Variants in UNC5B observed in about 807,000 individuals in gnomAD.
UNC5B encodes the protein unc-5 netrin receptor B.
A neutral mutation model predicts 103.7 loss-of-function variants in UNC5B; 56 were observed. The ratio of observed to expected loss-of-function variants is 0.54; its 90% confidence interval spans 0.44 to 0.67. UNC5B has a LOEUF of 0.67. Ranked by LOEUF, UNC5B falls within the 30% of genes least tolerant of loss-of-function variation. UNC5B has a pLI of 0.00. For missense variants in UNC5B, 1,194 were observed against 1,284.5 expected (o/e 0.93, Z 1.08); for synonymous variants, 577 against 542.0 (o/e 1.06, Z -0.90).
chr10:71,289,216 C>T (rs1043515170), intron 8 of UNC5B, among the ~76,000 whole-genome samples: 17 of 152,248 alleles, frequency 1.1e-4, no homozygotes, highest in African/African-American at 4.1e-4. Flanking sequence ...CCTACTGAGC[C>T]TCCTCTCATA....
At chr10:71,258,181 G>A (rs542993736) in intron 1 of UNC5B, among the ~76,000 whole-genome samples, 5 of 152,330 alleles carry the variant, frequency 3.3e-5, no homozygotes, top group South Asian at 2.1e-4. Context: ...TATCGATGCC[G>A]AGACTCTATC....
At chr10:71,230,439 C>G (rs1462769232) in intron 1 of UNC5B, among the ~76,000 whole-genome samples, 1 of 152,248 alleles carries the variant, frequency 6.6e-6, no homozygotes, top group Non-Finnish European at 1.5e-5. Context: ...GCAGAGCAGG[C>G]CAGTGGCCAA....
At chr10:71,241,026 C>A (rs1843886469) in intron 1 of UNC5B, among the ~76,000 whole-genome samples, 1 of 152,216 alleles carries the variant, frequency 6.6e-6, no homozygotes, top group Non-Finnish European at 1.5e-5. Context: ...AGTCCATCAT[C>A]ATGGTAGCCT....
Position 71,292,499 on chromosome 10 carries a change from C to A in UNC5B, c.1717C>A (p.Pro573Thr). ...VSLLVPNGAI[P>T]QGKFYEMYLL... ...CTTGCTGGTGCCCAATGGAGCCATT[C>A]CCCAGGGCAAGTTCTACGAGATGTA... The change falls in exon 11 of 17, where the codon CCC becomes ACC. Residue 573 changes from proline to threonine, a missense_variant. Pro to Thr is a conservative substitution (Grantham distance 38). Coordinates refer to ENST00000335350, the MANE Select transcript of UNC5B (RefSeq NM_170744.5). 1 of 1,605,320 alleles carries A rather than the reference C, an allele frequency of 6.2e-7. No homozygotes were observed. The highest frequency in any genetic ancestry group is 8.5e-7 in the Non-Finnish European group (1 of 1,176,110).
In UNC5B at chr10:71,297,906, C is replaced by A; in HGVS notation, c.2491-3C>A. 1 of 1,610,130 alleles carries A rather than the reference C, an allele frequency of 6.2e-7. No homozygotes were observed. The highest frequency in any genetic ancestry group is 8.5e-7 in the Non-Finnish European group (1 of 1,178,336). On this transcript the variant is annotated splice_region_variant and splice_polypyrimidine_tract_variant and intron_variant, in intron 15 of 16. Coordinates refer to ENST00000335350, the MANE Select transcript of UNC5B (RefSeq NM_170744.5). ...CTCTCACTCTTGGCCCCCACCCTTG[C>A]AGACACCTGCTGGCTCCCTGGACAC...
chr10:71,234,277 AG>A (rs541498868), intron 1 of UNC5B, among the ~76,000 whole-genome samples: 55 of 152,286 alleles, frequency 3.6e-4, no homozygotes, highest in African/African-American at 1.3e-3. Context: ...CGCCCCCTCC[AG>A]GGGCTTTTGC....
chr10:71,225,840 G>GTGCCACACAGACTTCAGGACACCC (rs1564706092), intron 1 of UNC5B, among the ~76,000 whole-genome samples: 1 of 151,472 alleles, frequency 6.6e-6, no homozygotes, highest in Non-Finnish European at 1.5e-5. Flanking sequence ...GCTTGCCACC[G>GTGCCACACAGACTTCAGGACACCC]TGCCACACAG....
chr10:71,243,709 A>T (rs1300150895), intron 1 of UNC5B, among the ~76,000 whole-genome samples: 1 of 152,186 alleles, frequency 6.6e-6, no homozygotes, highest in African/African-American at 2.4e-5. Context: ...GAGACTAGAC[A>T]GTCCAGGGTG....
rs1554809996 is a variant in UNC5B at position 71,288,924 on chromosome 10, A to G, written c.1067-34A>G. The G allele has an allele frequency of 5.0e-6, 8 of 1,589,304 alleles. No homozygotes were observed. The South Asian group carries it at 6.6e-5, about 13-fold the overall frequency. ...CTCTGCCACCCTTTCCCTGTCACCT[A>G]TGTCATTGTCTTTCCCTTTATTTCC... is the stretch of plus-strand genomic sequence containing the variant. On this transcript the variant is annotated intron_variant, in intron 7 of 16. Coordinates refer to ENST00000335350, the MANE Select transcript of UNC5B (RefSeq NM_170744.5).
chr10:71,234,196 G>C (rs529106329), intron 1 of UNC5B, among the ~76,000 whole-genome samples: 1 of 152,356 alleles, frequency 6.6e-6, no homozygotes, highest in African/African-American at 2.4e-5. Flanking sequence ...GGGTCACACA[G>C]CCAGGAAGCA....
At chr10:71,235,091 ACTCTGC>A (rs749369234) in intron 1 of UNC5B, among the ~76,000 whole-genome samples, 18 of 87,304 alleles carry the variant, frequency 2.1e-4, no homozygotes, top group East Asian at 4.9e-4. Context: ...GCTGCCTCTG[ACTCTGC>A]CTCTGCCTCT....
chr10:71,289,866 A>G (rs745642901), intron 8 of UNC5B, among the ~76,000 whole-genome samples: 3 of 152,234 alleles, frequency 2.0e-5, no homozygotes, highest in Non-Finnish European at 4.4e-5. Context: ...GCTGGGAGCC[A>G]TGCCCTGCCT....
At position 71,284,832 on chromosome 10, in the gene UNC5B, C is replaced by A. The variant is rs757888660; in HGVS notation, c.417C>A (p.Thr139=). The change falls in exon 3 of 17, where the codon ACC becomes ACA. Residue 139 remains threonine, a synonymous_variant. Coordinates refer to ENST00000335350, the MANE Select transcript of UNC5B (RefSeq NM_170744.5). ...TGGCCTGGAGCTCCGCGGGCACCAC[C>A]AAGAGTCGCCGAGCCTACGTCCGCA... ...QCVAWSSAGT[T]KSRRAYVRIA... is the part of the protein sequence containing the mutation. 3.1e-6 allele frequency: 5 copies of A among 1,612,268 alleles called. No homozygotes were observed. Among genetic ancestry groups the A allele is most frequent in the Non-Finnish European group, 4.2e-6 (5 of 1,179,244 alleles).
At chr10:71,245,509 GTCCT>G (rs1015107524) in intron 1 of UNC5B, among the ~76,000 whole-genome samples, 3 of 152,188 alleles carry the variant, frequency 2.0e-5, no homozygotes, top group African/African-American at 7.2e-5. Flanking sequence ...GGTCTGAACT[GTCCT>G]TCTGGGTGGG....
chr10:71,296,982 T>C, intron 15 of UNC5B, among the ~76,000 whole-genome samples: 1 of 118,102 alleles, frequency 8.5e-6, no homozygotes, highest in Non-Finnish European at 1.9e-5. Context: ...TGCACACCAC[T>C]CTGGTGGAGG....
At chr10:71,292,685 TC>T in intron 11 of UNC5B, 131 bp downstream of exon 11, 1 of 760,800 alleles carries the variant, frequency 1.3e-6, no homozygotes, top group Non-Finnish European at 2.0e-6. Context: ...TCTTACTGTG[TC>T]CATATTGAAA....
At position 71,301,523 on chromosome 10, in the gene UNC5B, C is replaced by G. The variant is rs1845584171; in HGVS notation, c.*2246C>G. The G allele has an allele frequency of 6.6e-6, 1 of 152,254 alleles. No homozygotes were observed. The highest frequency in any genetic ancestry group is 1.5e-5 in the Non-Finnish European group (1 of 68,066). 9.4% of individuals were successfully genotyped at this position (152,254 alleles called of 1,614,324 possible). A position where few individuals can be genotyped will look rare whatever the true frequency, so the allele number is the denominator to read the frequency against. On this transcript the variant is annotated 3_prime_UTR_variant, in exon 17 of 17. Coordinates refer to ENST00000335350, the MANE Select transcript of UNC5B (RefSeq NM_170744.5). ...CAGTGAGCCTTCCCTGCCAAAGTGC[C>G]CATCCCATGGGCTCGGCCTCACTGG...
intron 1 of UNC5B, among the ~76,000 whole-genome samples, chr10:71,260,548 T>C (rs1244519427): frequency 6.6e-6 from 1 of 152,220 alleles, no homozygotes; most frequent in Non-Finnish European, 1.5e-5. Flanking sequence ...GCCTCTGGGC[T>C]CAGGGCCCTT....
chr10:71,286,967 G>T, intron 5 of UNC5B, 98 bp downstream of exon 5: 3 of 1,472,212 alleles, frequency 2.0e-6, no homozygotes, highest in East Asian at 2.3e-5. Flanking sequence ...GGAGGATGCA[G>T]CCCAGAGAGG....
Sources: allele counts gnomAD v4.1 joint callset (sites outside exome capture counted in the v4.1 genomes callset), GRCh38; gene constraint gnomAD v4.1.1; transcripts MANE v1.5; gene names NCBI Gene and HGNC (gene_info 2026-07-23, HGNC 2026-07-21).